The following L3MBTL3 variants were observed in gnomAD, a reference collection of about 807,000 sequenced individuals.
L3MBTL3 encodes the protein lethal(3)malignant brain tumor-like protein 3.
In L3MBTL3, 27 loss-of-function variants were observed where a neutral mutation model predicts 102.3. The observed-to-expected ratio is 0.26, with a 90% CI of 0.19 to 0.36. The LOEUF is 0.36. L3MBTL3 is among the 10% of genes least tolerant of loss of function. The probability of loss-of-function intolerance (pLI) is 1.00; values close to 1 mark genes in which losing one functional copy is unlikely to be tolerated. For synonymous variants in L3MBTL3, 340 were observed against 320.9 expected (o/e 1.06, Z -0.64); for missense variants, 798 against 955.3 (o/e 0.84, Z 2.17).
chr6:130,100,295 A>G (rs1784604842), intron 18 of L3MBTL3, among the ~76,000 whole-genome samples: 1 of 152,160 alleles, frequency 6.6e-6, no homozygotes, highest in African/African-American at 2.4e-5. Flanking sequence ...GTGGAGGATG[A>G]AGCAGCAGAG....
chr6:130,044,905 C>CTTT (rs1780633141), intron 3 of L3MBTL3, among the ~76,000 whole-genome samples: 1 of 152,108 alleles, frequency 6.6e-6, no homozygotes, highest in Admixed American at 6.6e-5. Context: ...TCACTTCATT[C>CTTT]TTTGCCTATT....
At chr6:130,137,220 A>G (rs1164212946) in intron 22 of L3MBTL3, among the ~76,000 whole-genome samples, 1 of 152,252 alleles carries the variant, frequency 6.6e-6, no homozygotes, top group Non-Finnish European at 1.5e-5. Context: ...AATAGTGAAT[A>G]GTGGAAAGGG....
Position 130,133,930 on chromosome 6 carries a change from A to T in L3MBTL3, c.2199+25A>T, listed in dbSNP as rs373802997. 2.0e-6 allele frequency: 3 copies of T among 1,538,208 alleles called. No homozygotes were observed. The African/African-American group carries it at 4.1e-5, about 21-fold the overall frequency. Reference sequence around the variant, plus strand: ...AGTAAGTATTCCACTAAATTGCAATATGTTACTTAATGGGATCAAAGCACT... The same window carrying T: ...AGTAAGTATTCCACTAAATTGCAATTTGTTACTTAATGGGATCAAAGCACT... On this transcript the variant is annotated intron_variant, in intron 22 of 22. Transcript: ENST00000361794. The surrounding 1 kb of genome is among the most constrained non-coding windows in gnomAD (Gnocchi z 4.9).
chr6:130,077,379 A>T (rs1293889218), intron 13 of L3MBTL3, among the ~76,000 whole-genome samples: 1 of 152,210 alleles, frequency 6.6e-6, no homozygotes, highest in Non-Finnish European at 1.5e-5. Context: ...CTTGGCATTG[A>T]CCTAGCAGTG....
At chr6:130,041,197 A>G (rs1780402020) in intron 2 of L3MBTL3, among the ~76,000 whole-genome samples, 1 of 152,220 alleles carries the variant, frequency 6.6e-6, no homozygotes, top group African/African-American at 2.4e-5. Flanking sequence ...ATGATTTAAC[A>G]ACAGGCTTTC....
At chr6:130,025,092 T>G (rs1035467033) in intron 2 of L3MBTL3, among the ~76,000 whole-genome samples, 6 of 149,994 alleles carry the variant, frequency 4.0e-5, no homozygotes, top group African/African-American at 1.5e-4. Context: ...TTGACCAGTG[T>G]GTTCACAAGG....
intron 7 of L3MBTL3, among the ~76,000 whole-genome samples, 169 bp downstream of exon 7, chr6:130,053,160 C>T (rs985003569): frequency 2.0e-5 from 3 of 149,508 alleles, no homozygotes; most frequent in Admixed American, 6.8e-5. Flanking sequence ...GTCCTGATCT[C>T]AAAATGGGAA....
chr6:130,084,248 A>G (rs1467547372), intron 15 of L3MBTL3, among the ~76,000 whole-genome samples: 1 of 152,200 alleles, frequency 6.6e-6, no homozygotes, highest in African/African-American at 2.4e-5. Flanking sequence ...CCTCATTTCT[A>G]TGCAAGGAAG....
At chr6:130,126,132 T>C (rs1249963256) in intron 20 of L3MBTL3, among the ~76,000 whole-genome samples, 2 of 151,518 alleles carry the variant, frequency 1.3e-5, no homozygotes, top group Admixed American at 1.3e-4. Flanking sequence ...TTTTTTTGCT[T>C]CTGTCTTCTC....
At chr6:130,084,506 C>T (rs971728602) in intron 15 of L3MBTL3, among the ~76,000 whole-genome samples, 1 of 151,942 alleles carries the variant, frequency 6.6e-6, no homozygotes. Context: ...ATTTTAAGAG[C>T]AAAACCATAA....
At chr6:130,136,625 C>CA (rs1562347845) in intron 22 of L3MBTL3, among the ~76,000 whole-genome samples, 1 of 149,490 alleles carries the variant, frequency 6.7e-6, no homozygotes, top group African/African-American at 2.5e-5. Flanking sequence ...CACAAATCAC[C>CA]TTTTTTTTTT....
intron 4 of L3MBTL3, 102 bp from the exon 5 acceptor site, chr6:130,049,654 A>G (rs1475904716): frequency 1.4e-5 from 19 of 1,313,880 alleles, no homozygotes; most frequent in Non-Finnish European, 2.1e-5. Flanking sequence ...GTTGTAGCCT[A>G]CACAGGTGAT....
intron 19 of L3MBTL3, among the ~76,000 whole-genome samples, chr6:130,116,743 T>G (rs1785710299): frequency 6.6e-6 from 1 of 151,478 alleles, no homozygotes; most frequent in African/African-American, 2.4e-5. Flanking sequence ...TGGAGTGAGA[T>G]CTATCTCTTA....
intron 20 of L3MBTL3, among the ~76,000 whole-genome samples, chr6:130,130,534 G>A (rs1786937936): frequency 6.6e-6 from 1 of 152,078 alleles, no homozygotes; most frequent in Non-Finnish European, 1.5e-5. Flanking sequence ...GAATACCTGA[G>A]ATTAAAAAGA....
intron 14 of L3MBTL3, 91 bp from the exon 15 acceptor site, chr6:130,083,529 A>G (rs1211064703): frequency 8.5e-6 from 5 of 587,654 alleles, no homozygotes; most frequent in South Asian, 2.2e-5. Flanking sequence ...AATTTTCTAG[A>G]TTATAATATT....
At chr6:130,049,544 G>A (rs2114761486) in intron 4 of L3MBTL3, 151 bp downstream of exon 4, 2 of 708,478 alleles carry the variant, frequency 2.8e-6, no homozygotes, top group Non-Finnish European at 2.3e-6. Flanking sequence ...AAACTGATAG[G>A]AGCCAGCATT....
chr6:130,022,728 T>A (rs1318000889), intron 2 of L3MBTL3, among the ~76,000 whole-genome samples: 1 of 152,180 alleles, frequency 6.6e-6, no homozygotes, highest in African/African-American at 2.4e-5. Flanking sequence ...TGAATGAAAT[T>A]TACATTGGGT....
chr6:130,103,448 A>C (rs1784815759), intron 18 of L3MBTL3, among the ~76,000 whole-genome samples: 2 of 152,196 alleles, frequency 1.3e-5, no homozygotes. Flanking sequence ...CTCTTGGTAG[A>C]GGGTAGCTAG....
At chr6:130,056,858 A>G (rs904217181) in intron 8 of L3MBTL3, among the ~76,000 whole-genome samples, 1 of 152,146 alleles carries the variant, frequency 6.6e-6, no homozygotes, top group African/African-American at 2.4e-5. Context: ...TTTGCTACCC[A>G]TCAGGCTATT....
Sources: allele counts gnomAD v4.1 joint callset (sites outside exome capture counted in the v4.1 genomes callset), GRCh38; gene constraint gnomAD v4.1.1; non-coding constraint Gnocchi (gnomAD v3.1); transcripts MANE v1.5; gene names NCBI Gene and HGNC (gene_info 2026-07-23, HGNC 2026-07-21).